Variants in P3H2 observed in about 807,000 individuals in gnomAD.
P3H2 encodes the protein prolyl 3-hydroxylase 2.
In P3H2, 80 loss-of-function variants were observed where a neutral mutation model predicts 87.0. The observed-to-expected ratio is 0.92, with a 90% CI of 0.77 to 1.11. The LOEUF (loss-of-function observed/expected upper bound fraction) is 1.11, where lower values mean the gene tolerates loss of function less well. Ranked by LOEUF, P3H2 falls within the 50% of genes least tolerant of loss-of-function variation. The pLI is 0.00. For synonymous variants in P3H2, 367 were observed against 359.3 expected (o/e 1.02, Z -0.24); for missense variants, 1,001 against 923.9 (o/e 1.08, Z -1.08).
intron 6 of P3H2, among the ~76,000 whole-genome samples, chr3:189,986,072 T>A (rs886424940): frequency 6.6e-6 from 1 of 152,224 alleles, no homozygotes; most frequent in Non-Finnish European, 1.5e-5. Flanking sequence ...ATGGGTGTGA[T>A]AGCATTGTGA....
At chr3:189,982,989 T>C in intron 8 of P3H2, 57 bp downstream of exon 8, 1 of 1,312,886 alleles carries the variant, frequency 7.6e-7, no homozygotes, top group Non-Finnish European at 1.1e-6. Context: ...AAAGAACTGG[T>C]CAAGCCCCAT....
intron 1 of P3H2, among the ~76,000 whole-genome samples, chr3:190,079,386 A>G (rs1410179286): frequency 6.9e-6 from 1 of 145,228 alleles, no homozygotes; most frequent in African/African-American, 2.5e-5. Context: ...ATAAATAAAT[A>G]ATCCTTATCT....
At chr3:189,964,790 C>T (rs796750725) in intron 13 of P3H2, among the ~76,000 whole-genome samples, 8 of 152,320 alleles carry the variant, frequency 5.3e-5, no homozygotes, top group East Asian at 1.9e-4. Context: ...CACAGTCCTT[C>T]GCAGCTTATG....
At chr3:190,075,899 A>G (rs1335299825) in intron 1 of P3H2, among the ~76,000 whole-genome samples, 1 of 152,244 alleles carries the variant, frequency 6.6e-6, no homozygotes, top group African/African-American at 2.4e-5. Context: ...TTTTTACATT[A>G]GAAATGTATT....
rs749476764 is a variant in P3H2, at chr3:189,987,600, A to C, written c.1025T>G (p.Val342Gly). Residue 342 changes from valine to glycine, a missense_variant, in exon 5 of 15, where the codon GTC (valine) becomes GGC (glycine). Transcript: ENST00000319332. ...YLLCHPDDED[V>G]LDNVDYYESL... ...CTCATAGTAATCCACATTGTCTAGGACATCCTCATCATCTGGATGGCATAG... is the reference window on the plus strand; with the variant it reads ...CTCATAGTAATCCACATTGTCTAGGCCATCCTCATCATCTGGATGGCATAG... 1.2e-6 allele frequency: 2 copies of C among 1,613,974 alleles called. No individual in the cohort carries two copies. The highest frequency in any genetic ancestry group is 2.7e-5 in the African/African-American group (2 of 74,892).
At position 189,993,601 on chromosome 3, in the gene P3H2, A is replaced by G. The variant is rs958709701; in HGVS notation, c.823+493T>C. 2.6e-5 allele frequency among the ~76,000 whole-genome samples: 4 copies of G among 152,152 alleles called. No homozygotes were observed. In the East Asian group the frequency reaches 5.8e-4, roughly 22 times the overall value. ...AATAAAACATTTTAAGTAGTTGAAGACTACACAAAAGTGTTCACTACTACA... is the reference window on the plus strand; with the variant it reads ...AATAAAACATTTTAAGTAGTTGAAGGCTACACAAAAGTGTTCACTACTACA... On this transcript the variant is annotated intron_variant, in intron 3 of 14. Transcript: ENST00000319332.
intron 1 of P3H2, among the ~76,000 whole-genome samples, chr3:190,087,264 C>T (rs748130179): frequency 1.2e-4 from 19 of 152,116 alleles, no homozygotes; most frequent in East Asian, 7.7e-4. Context: ...AGGCCGGGTG[C>T]GGTGGCTCAC....
chr3:189,995,557 T>TTTG, intron 1 of P3H2, 115 bp from the exon 2 acceptor site: 2 of 335,364 alleles, frequency 6.0e-6, no homozygotes, highest in Non-Finnish European at 8.6e-6. Context: ...GGAGCCTTGG[T>TTTG]TTTTTTTTTT....
intron 1 of P3H2, among the ~76,000 whole-genome samples, chr3:190,106,570 G>C (rs752275303): frequency 1.3e-5 from 2 of 150,946 alleles, no homozygotes; most frequent in Non-Finnish European, 2.9e-5. Context: ...CTTCTCACAA[G>C]TACCTTGTAA....
chr3:190,112,141 A>C (rs1276348374), intron 1 of P3H2, among the ~76,000 whole-genome samples: 1 of 152,218 alleles, frequency 6.6e-6, no homozygotes, highest in African/African-American at 2.4e-5. Flanking sequence ...TCTAGTGTGG[A>C]TCTTACAACT....
chr3:190,022,821 T>A (rs535385437), intron 1 of P3H2, among the ~76,000 whole-genome samples: 72 of 151,734 alleles, frequency 4.7e-4, no homozygotes, highest in African/African-American at 1.5e-3. Flanking sequence ...GGGCAAAAAA[T>A]ATATATATAT....
At chr3:190,058,759 A>T (rs1726245511) in intron 1 of P3H2, among the ~76,000 whole-genome samples, 1 of 152,154 alleles carries the variant, frequency 6.6e-6, no homozygotes, top group South Asian at 2.1e-4. Context: ...CCCTGCGCAA[A>T]AGGTCACAGT....
chr3:190,046,005 C>T (rs1036609949), intron 1 of P3H2, among the ~76,000 whole-genome samples: 2 of 152,050 alleles, frequency 1.3e-5, no homozygotes, highest in Non-Finnish European at 2.9e-5. Context: ...CGCCTGTGGT[C>T]CCAGCTACTC....
chr3:190,087,506 T>C (rs554235265), intron 1 of P3H2, among the ~76,000 whole-genome samples: 6 of 136,294 alleles, frequency 4.4e-5, no homozygotes, highest in African/African-American at 1.7e-4. Context: ...ATCACACCAC[T>C]GCACTCCAGC....
intron 1 of P3H2, among the ~76,000 whole-genome samples, chr3:190,069,959 T>C (rs551221308): frequency 6.6e-5 from 10 of 152,100 alleles, no homozygotes; most frequent in African/African-American, 9.6e-5. Flanking sequence ...AGTTTTTTTT[T>C]TTTTTCTTCT....
At chr3:189,972,565 T>G (rs1351324632) in intron 11 of P3H2, among the ~76,000 whole-genome samples, 1 of 152,202 alleles carries the variant, frequency 6.6e-6, no homozygotes, top group Non-Finnish European at 1.5e-5. Context: ...TGACTATGAT[T>G]TCCATGTTCC....
At chr3:189,995,202 T>A in intron 2 of P3H2, 88 bp downstream of exon 2, 1 of 1,213,726 alleles carries the variant, frequency 8.2e-7, no homozygotes, top group Non-Finnish European at 1.2e-6. Flanking sequence ...CTTTATGAGA[T>A]ATTCATTCAT....
At chr3:190,004,471 C>T (rs1463158024) in intron 1 of P3H2, among the ~76,000 whole-genome samples, 1 of 152,086 alleles carries the variant, frequency 6.6e-6, no homozygotes, top group African/African-American at 2.4e-5. Context: ...CAAGCTCCGC[C>T]TCCCGGGTTC....
At chr3:190,017,835 T>C (rs114036644) in intron 1 of P3H2, among the ~76,000 whole-genome samples, 262 of 152,326 alleles carry the variant, frequency 1.7e-3, no homozygotes, top group African/African-American at 6.2e-3. Flanking sequence ...ACTCAGGACA[T>C]TGGAATGGTG....
Sources: allele counts gnomAD v4.1 joint callset (sites outside exome capture counted in the v4.1 genomes callset), GRCh38; gene constraint gnomAD v4.1.1; transcripts MANE v1.5; gene names NCBI Gene and HGNC (gene_info 2026-07-23, HGNC 2026-07-21).